Variants in PAX3 observed in about 807,000 individuals in gnomAD.
PAX3 encodes paired box 3, also known as paired box protein Pax-3.
PAX3 carries 14 observed loss-of-function variants against 51.6 expected under a neutral mutation model. That is an observed-to-expected ratio of 0.27 (90% CI 0.18 to 0.42). PAX3 has a LOEUF of 0.42. Ranked by LOEUF, PAX3 falls within the 10% of genes least tolerant of loss-of-function variation. The pLI is 1.00. For synonymous variants in PAX3, 280 were observed against 253.4 expected (o/e 1.11, Z -1.00); for missense variants, 540 against 642.8 (o/e 0.84, Z 1.73).
intron 7 of PAX3, among the ~76,000 whole-genome samples, chr2:222,216,458 TTC>T (rs1398512010): frequency 2.6e-5 from 4 of 152,306 alleles, no homozygotes; most frequent in African/African-American, 7.2e-5. Flanking sequence ...GCTGTTGGTA[TTC>T]TGAGATTTAG....
At position 222,260,570 on chromosome 2, in the gene PAX3, T is replaced by TG. The variant is rs1693814072; in HGVS notation, c.587-28288_587-28287insC. On this transcript the variant is annotated intron_variant, in intron 4 of 8. Transcript: ENST00000392070. The stretch of plus-strand genomic sequence containing the variant: ...AACACAAGTTTTTTTTTTTTGTTTT[T>TG]TTTTTTTGTTTTTTTTTTTTGTTTT... Among the ~76,000 whole-genome samples, 25 of 74,812 alleles carry TG rather than the reference T, an allele frequency of 3.3e-4. 1 individual carries two copies. Among genetic ancestry groups the TG allele is most frequent in the African/African-American group, 1.2e-3 (24 of 19,912 alleles). The allele number at this position is 74,812 out of a possible 152,430, so 49.1% of individuals were successfully genotyped here.
At chr2:222,224,245 G>A (rs1692300828) in intron 5 of PAX3, among the ~76,000 whole-genome samples, 1 of 152,180 alleles carries the variant, frequency 6.6e-6, no homozygotes, top group Non-Finnish European at 1.5e-5. Flanking sequence ...TTGTTGTGAA[G>A]CAAATCTTTA....
chr2:222,216,981 C>G (rs1691987230), intron 7 of PAX3, among the ~76,000 whole-genome samples: 1 of 152,166 alleles, frequency 6.6e-6, no homozygotes, highest in South Asian at 2.1e-4. Context: ...AAAACTATAA[C>G]CAATTCGGTG....
chr2:222,276,023 CCTT>C (rs981142921), intron 4 of PAX3, among the ~76,000 whole-genome samples: 3 of 152,204 alleles, frequency 2.0e-5, no homozygotes, highest in South Asian at 2.1e-4. Context: ...GTCTGAGTCT[CCTT>C]CTCTTCAAGA....
chr2:222,201,578 G>T, intron 8 of PAX3, 136 bp from the exon 9 acceptor site: 1 of 1,339,014 alleles, frequency 7.5e-7, no homozygotes. Flanking sequence ...TTATTCCTGA[G>T]ACAAGTTTGA....
At chr2:222,221,906 CT>C (rs1692209490) in intron 5 of PAX3, among the ~76,000 whole-genome samples, 2 of 150,978 alleles carry the variant, frequency 1.3e-5, no homozygotes, top group South Asian at 4.2e-4. Flanking sequence ...AAGTGGAGCC[CT>C]TTTTTCATCT....
At chr2:222,266,438 C>G (rs1430650) in intron 4 of PAX3, among the ~76,000 whole-genome samples, 5,700 of 152,292 alleles carry the variant, frequency 0.037, 339 homozygotes, top group African/African-American at 0.13. Flanking sequence ...TATAGAGCTA[C>G]CAGCTGCAGA....
intron 4 of PAX3, among the ~76,000 whole-genome samples, chr2:222,266,763 C>A (rs1694068893): frequency 1.3e-5 from 2 of 152,180 alleles, no homozygotes; most frequent in Non-Finnish European, 2.9e-5. Flanking sequence ...AGAGAAAATT[C>A]TCTTCCCCTA....
chr2:222,281,392 G>T (rs145687145), intron 4 of PAX3, among the ~76,000 whole-genome samples: 1 of 152,106 alleles, frequency 6.6e-6, no homozygotes, highest in Non-Finnish European at 1.5e-5. Flanking sequence ...AAACTTACAC[G>T]TTTATAAATC....
intron 7 of PAX3, among the ~76,000 whole-genome samples, chr2:222,219,695 C>T (rs1692108135): frequency 1.3e-5 from 2 of 152,162 alleles, no homozygotes; most frequent in African/African-American, 4.8e-5. Context: ...TTTGTCAAAG[C>T]TTTAGTGTTT....
At chr2:222,258,505 A>G (rs76927710) in intron 4 of PAX3, among the ~76,000 whole-genome samples, 7,261 of 152,234 alleles carry the variant, frequency 0.048, 554 homozygotes, top group African/African-American at 0.16. Flanking sequence ...TGATGACACC[A>G]TCACCACCAC....
At chr2:222,282,714 A>G (rs1396647625) in intron 4 of PAX3, among the ~76,000 whole-genome samples, 2 of 152,244 alleles carry the variant, frequency 1.3e-5, no homozygotes, top group East Asian at 3.8e-4. Flanking sequence ...ACTACTTTTG[A>G]TCGTGCCAAA....
intron 3 of PAX3, 40 bp downstream of exon 3, chr2:222,295,488 T>C (rs759512708): frequency 2.5e-6 from 4 of 1,612,558 alleles, no homozygotes; most frequent in African/African-American, 1.3e-5. Flanking sequence ...TAATAGCGAC[T>C]GACTGTCGCG....
chr2:222,216,725 C>G (rs6717527), intron 7 of PAX3, among the ~76,000 whole-genome samples: 80,104 of 149,738 alleles, frequency 0.53, 21,909 homozygotes, highest in Non-Finnish European at 0.62. Flanking sequence ...CACACACACA[C>G]AGAGAGAGAG....
At chr2:222,247,717 C>T (rs1693279576) in intron 4 of PAX3, among the ~76,000 whole-genome samples, 1 of 151,980 alleles carries the variant, frequency 6.6e-6, no homozygotes, top group African/African-American at 2.4e-5. Flanking sequence ...GTCCTCCTAC[C>T]ACCAACAAAC....
chr2:222,254,401 T>G (rs950166977), intron 4 of PAX3, among the ~76,000 whole-genome samples: 2 of 152,120 alleles, frequency 1.3e-5, no homozygotes, highest in Non-Finnish European at 2.9e-5. Context: ...CAATAAGCGT[T>G]GTCCAGTGCA....
At chr2:222,255,968 C>T (rs1001794760) in intron 4 of PAX3, among the ~76,000 whole-genome samples, 10 of 127,664 alleles carry the variant, frequency 7.8e-5, no homozygotes, top group Non-Finnish European at 1.3e-4. Context: ...GGGGTTTCAG[C>T]ATGTGTTAGC....
At chr2:222,269,566 A>C (rs918900627) in intron 4 of PAX3, among the ~76,000 whole-genome samples, 4 of 152,136 alleles carry the variant, frequency 2.6e-5, no homozygotes, top group African/African-American at 9.7e-5. Flanking sequence ...AAGAGTAAAC[A>C]AATTTTTTTA....
intron 4 of PAX3, among the ~76,000 whole-genome samples, chr2:222,248,924 AG>A (rs1693323566): frequency 6.6e-6 from 1 of 152,190 alleles, no homozygotes; most frequent in South Asian, 2.1e-4. Flanking sequence ...TCCCAAAATA[AG>A]GAAAGTGACT....
Sources: allele counts gnomAD v4.1 joint callset (sites outside exome capture counted in the v4.1 genomes callset), GRCh38; gene constraint gnomAD v4.1.1; transcripts MANE v1.5; gene names NCBI Gene and HGNC (gene_info 2026-07-23, HGNC 2026-07-21).